PDZD2: variants seen among roughly 807,000 people sequenced by gnomAD.
PDZD2 encodes PDZ domain containing 2, also known as PDZ domain-containing protein 2.
Under a neutral mutation model 220.7 loss-of-function variants are expected in PDZD2, and 90 were observed. The ratio of observed to expected loss-of-function variants is 0.41; its 90% CI spans 0.34 to 0.49. The LOEUF is 0.49. PDZD2 is among the 20% of genes least tolerant of loss of function. The pLI is 0.28. For synonymous variants in PDZD2, 1,375 were observed against 1,450.5 expected (o/e 0.95, Z 1.18); for missense variants, 3,174 against 3,608.5 (o/e 0.88, Z 3.08).
chr5:31,730,579 TGTGTGTGTGTGTG>T (rs1423562560), intron 1 of PDZD2, among the ~76,000 whole-genome samples: 27 of 114,712 alleles, frequency 2.4e-4, no homozygotes, highest in African/African-American at 8.1e-4. Context: ...TGTGTGTGTG[TGTGTGTGTGTGTG>T]GTGTGTGTGT....
At chr5:32,046,305 C>T (rs1350115607) in intron 7 of PDZD2, among the ~76,000 whole-genome samples, 1 of 152,074 alleles carries the variant, frequency 6.6e-6, no homozygotes, top group South Asian at 2.1e-4. Flanking sequence ...TGCAGTGTTG[C>T]GATCTCAGGT....
chr5:31,676,649 G>A (rs137928463), intron 1 of PDZD2, among the ~76,000 whole-genome samples: 1,624 of 150,580 alleles, frequency 0.011, 28 homozygotes, highest in African/African-American at 0.038. Flanking sequence ...CGCCTCCTGG[G>A]TCCAAGCGAT....
At chr5:31,744,373 T>A (rs1750455561) in intron 1 of PDZD2, 1 of 152,160 alleles carries the variant, frequency 6.6e-6, no homozygotes, top group East Asian at 1.9e-4. Context: ...CAGGAGCAGG[T>A]CTGTCACATC....
intron 1 of PDZD2, among the ~76,000 whole-genome samples, chr5:31,721,325 A>G (rs1748776905): frequency 6.6e-6 from 1 of 152,262 alleles, no homozygotes; most frequent in South Asian, 2.1e-4. Flanking sequence ...CCCGTGTGAG[A>G]ACTGCCTGGA....
chr5:31,751,210 C>T (rs867882030), intron 1 of PDZD2, among the ~76,000 whole-genome samples: 1 of 150,128 alleles, frequency 6.7e-6, no homozygotes, highest in Non-Finnish European at 1.5e-5. Flanking sequence ...CATTGCACTC[C>T]GGCCTGGGTG....
At chr5:31,718,203 T>G (rs1010850126) in intron 1 of PDZD2, among the ~76,000 whole-genome samples, 1 of 152,150 alleles carries the variant, frequency 6.6e-6, no homozygotes, top group Non-Finnish European at 1.5e-5. Context: ...GAGTTGGGAA[T>G]CTGCTGATTT....
chr5:31,972,770 C>T (rs977656160), intron 2 of PDZD2, among the ~76,000 whole-genome samples: 5 of 152,300 alleles, frequency 3.3e-5, no homozygotes, highest in African/African-American at 1.2e-4. Flanking sequence ...CAATCATGTA[C>T]AGCAAAGTCT....
intron 1 of PDZD2, among the ~76,000 whole-genome samples, chr5:31,709,018 G>T (rs913550283): frequency 2.6e-5 from 4 of 151,882 alleles, no homozygotes; most frequent in Non-Finnish European, 5.9e-5. Context: ...CTCCCGAGTA[G>T]CTGGGATTAC....
intron 2 of PDZD2, among the ~76,000 whole-genome samples, chr5:31,827,485 G>C (rs752527937): frequency 6.6e-6 from 1 of 152,034 alleles, no homozygotes; most frequent in Non-Finnish European, 1.5e-5. Flanking sequence ...TTGAGATCAG[G>C]AGTTCGAGAC....
intron 1 of PDZD2, among the ~76,000 whole-genome samples, chr5:31,723,173 G>A (rs1284373679): frequency 2.6e-5 from 4 of 152,124 alleles, no homozygotes; most frequent in Admixed American, 1.3e-4. Context: ...AACACATTCC[G>A]CAAACAGTAT....
At chr5:31,852,706 C>T (rs988861867) in intron 2 of PDZD2, among the ~76,000 whole-genome samples, 2 of 152,274 alleles carry the variant, frequency 1.3e-5, no homozygotes, top group African/African-American at 4.8e-5. Flanking sequence ...AAGCAATTCT[C>T]CTGCCTCAGC....
chr5:31,812,211 T>C (rs1324222685), intron 2 of PDZD2, among the ~76,000 whole-genome samples: 2 of 152,034 alleles, frequency 1.3e-5, no homozygotes, highest in Non-Finnish European at 2.9e-5. Flanking sequence ...TGGTTCATGC[T>C]CTAGAATGGT....
chr5:31,802,101 A>G (rs1382091101), intron 2 of PDZD2, among the ~76,000 whole-genome samples: 1 of 152,150 alleles, frequency 6.6e-6, no homozygotes, highest in Non-Finnish European at 1.5e-5. Flanking sequence ...CTGAAGAAGG[A>G]TCACATGTGG....
chr5:31,680,210 C>T (rs1206117813), intron 1 of PDZD2, among the ~76,000 whole-genome samples: 1 of 152,102 alleles, frequency 6.6e-6, no homozygotes. Context: ...ACAAGGCCCT[C>T]GGCTGATTGT....
At chr5:32,042,841 T>C (rs1303223911) in intron 7 of PDZD2, among the ~76,000 whole-genome samples, 1 of 152,160 alleles carries the variant, frequency 6.6e-6, no homozygotes, top group Non-Finnish European at 1.5e-5. Context: ...GGCCTTCCTG[T>C]TGTCCATCTT....
chr5:31,991,249 G>C (rs1751186771), intron 3 of PDZD2, among the ~76,000 whole-genome samples: 1 of 152,152 alleles, frequency 6.6e-6, no homozygotes, highest in East Asian at 1.9e-4. Flanking sequence ...GATTGTAGGA[G>C]GTGAAATTTA....
At chr5:32,018,092 G>A (rs1255216062) in intron 6 of PDZD2, among the ~76,000 whole-genome samples, 1 of 152,208 alleles carries the variant, frequency 6.6e-6, no homozygotes, top group Non-Finnish European at 1.5e-5. Context: ...GATGAATGCA[G>A]TGCTAGGAGT....
At chr5:31,804,350 G>C (rs2150234976) in intron 2 of PDZD2, among the ~76,000 whole-genome samples, 1 of 152,310 alleles carries the variant, frequency 6.6e-6, no homozygotes, top group East Asian at 1.9e-4. Flanking sequence ...CAAGTCCTGT[G>C]CTCCTATTGC....
chr5:32,034,399 C>A (rs1483053375), intron 6 of PDZD2, among the ~76,000 whole-genome samples: 1 of 149,212 alleles, frequency 6.7e-6, no homozygotes, highest in East Asian at 2.0e-4. Context: ...CGCTCTGTCA[C>A]CCAGGCTGGA....
Sources: allele counts gnomAD v4.1 joint callset (sites outside exome capture counted in the v4.1 genomes callset), GRCh38; gene constraint gnomAD v4.1.1; transcripts MANE v1.5; gene names NCBI Gene and HGNC (gene_info 2026-07-23, HGNC 2026-07-21).